KIAA0232: variants seen among roughly 807,000 people sequenced by gnomAD.
KIAA0232 encodes uncharacterized protein KIAA0232.
A neutral mutation model predicts 122.0 loss-of-function variants in KIAA0232; 27 were observed. The observed-to-expected ratio is 0.22, with a 90% CI of 0.16 to 0.31. The LOEUF (loss-of-function observed/expected upper bound fraction) is 0.31, where lower values mean the gene tolerates loss of function less well. KIAA0232 is among the 10% of genes least tolerant of loss of function. The pLI is 1.00. For missense variants in KIAA0232, 1,551 were observed against 1,634.2 expected, an observed-to-expected ratio of 0.95 and a Z score of 0.88; for synonymous variants, 613 against 587.6, an observed-to-expected ratio of 1.04 and a Z score of -0.63.
At chr4:6,811,777 T>C (rs1577365222) in intron 2 of KIAA0232, among the ~76,000 whole-genome samples, 1 of 128,964 alleles carries the variant, frequency 7.8e-6, no homozygotes, top group African/African-American at 2.8e-5. Flanking sequence ...TTTTTTAAGA[T>C]ATAAACCTTT....
intron 1 of KIAA0232, among the ~76,000 whole-genome samples, chr4:6,803,947 C>G (rs1374448608): frequency 6.6e-6 from 1 of 152,146 alleles, no homozygotes; most frequent in Non-Finnish European, 1.5e-5. Context: ...AAATTCCAAT[C>G]CAAGATGTAT....
intron 7 of KIAA0232, 90 bp from the exon 8 acceptor site, chr4:6,871,484 G>T (rs1721479710): frequency 1.3e-6 from 1 of 747,134 alleles, no homozygotes; most frequent in Non-Finnish European, 2.3e-6. Context: ...AAAGTTCTGG[G>T]TTTATAATCT....
At chr4:6,876,567 T>C in intron 8 of KIAA0232, 93 bp from the exon 9 acceptor site, 3 of 904,432 alleles carry the variant, frequency 3.3e-6, no homozygotes, top group Non-Finnish European at 5.3e-6. Flanking sequence ...AGCTTTTTAG[T>C]GAAAAATGAA....
intron 1 of KIAA0232, among the ~76,000 whole-genome samples, chr4:6,791,153 C>T (rs1203063167): frequency 6.6e-6 from 1 of 151,192 alleles, no homozygotes; most frequent in Non-Finnish European, 1.5e-5. Flanking sequence ...CTCCTGAGCT[C>T]AGGCAGTCCG....
chr4:6,858,584 C>G, intron 6 of KIAA0232, 78 bp downstream of exon 6: 7 of 903,118 alleles, frequency 7.8e-6, no homozygotes, highest in Non-Finnish European at 1.0e-5. Context: ...TTTCCGTTTT[C>G]TGTTTGTCAT....
At chr4:6,826,836 A>G (rs926317703) in intron 3 of KIAA0232, among the ~76,000 whole-genome samples, 1 of 152,228 alleles carries the variant, frequency 6.6e-6, no homozygotes, top group African/African-American at 2.4e-5. Flanking sequence ...GCTGGGTGCT[A>G]CAGGACATAT....
At position 6,880,922 on chromosome 4, in the gene KIAA0232, G is replaced by T; in HGVS notation, c.4144G>T (p.Val1382Leu). 1 of 1,597,292 alleles carries T rather than the reference G, an allele frequency of 6.3e-7. No individual in the cohort carries two copies. Among genetic ancestry groups the T allele is most frequent in the South Asian group, 1.1e-5 (1 of 87,836 alleles). Residue 1382 changes from valine to leucine, a missense_variant, in exon 10 of 10, where the codon GTG (valine) becomes TTG (leucine). Physicochemically the swap from Val to Leu is conservative, Grantham distance 32. Around this residue, in one of 5 missense-constraint regions of KIAA0232, gnomAD observed 1,108 missense variants for 1,154.8 expected, o/e 0.96. Transcript: ENST00000307659. ...AGGCTCAGAAGGCGGAGGCGAGTGGGTGGGCCCTAGTGAAGAGGAGCTCTT... is the reference window on the plus strand; with the variant it reads ...AGGCTCAGAAGGCGGAGGCGAGTGGTTGGGCCCTAGTGAAGAGGAGCTCTT... ...ETGSEGGGEWVGPSEEELFSR... is the reference protein window; with the variant it reads ...ETGSEGGGEWLGPSEEELFSR...
At chr4:6,791,685 C>T (rs947846200) in intron 1 of KIAA0232, among the ~76,000 whole-genome samples, 2 of 152,106 alleles carry the variant, frequency 1.3e-5, no homozygotes, top group African/African-American at 2.4e-5. Context: ...CCTTCCTATC[C>T]TGTATTCATC....
intron 8 of KIAA0232, among the ~76,000 whole-genome samples, chr4:6,874,127 T>C (rs1721631938): frequency 6.6e-6 from 1 of 152,236 alleles, no homozygotes; most frequent in Admixed American, 6.5e-5. Flanking sequence ...AAGCCCCAGC[T>C]TTGTGCAGTC....
At chr4:6,842,471 A>G (rs913284033) in intron 4 of KIAA0232, among the ~76,000 whole-genome samples, 1 of 151,902 alleles carries the variant, frequency 6.6e-6, no homozygotes, top group African/African-American at 2.4e-5. Context: ...TCATCCTGTT[A>G]TTACATTGTC....
In KIAA0232 at chr4:6,861,107, CTG is replaced by C; in HGVS notation, c.728_729del (p.Val243AlafsTer2). ...GAAAGAAGCAGTGAAGTACCCACCA[CTG>C]TGCATGAGAAAACCCAGAGCAAAAG... On this transcript the variant is annotated frameshift_variant, in exon 7 of 10. Coordinates refer to ENST00000307659, the MANE Select transcript of KIAA0232 (RefSeq NM_014743.3). LOFTEE classifies it high-confidence loss of function. 1.2e-6 allele frequency: 2 copies of C among 1,614,192 alleles called. No individual in the cohort carries two copies. The highest frequency in any genetic ancestry group is 1.7e-6 in the Non-Finnish European group (2 of 1,180,028).
intron 7 of KIAA0232, among the ~76,000 whole-genome samples, chr4:6,868,222 T>C (rs1721288654): frequency 1.3e-5 from 2 of 152,246 alleles, no homozygotes. Context: ...GCTAAAAACA[T>C]TTCTGGTTAG....
rs530227394 is a variant in KIAA0232 at position 6,792,699 on chromosome 4, T to G, written c.-354+9858T>G. 6.3e-4 allele frequency among the ~76,000 whole-genome samples: 94 copies of G among 149,546 alleles called. No individual in the cohort carries two copies. In the East Asian group the frequency reaches 0.016, roughly 25 times the overall value. ...GTCTTAGGTTTTTTTTTTTTTGTTT[T>G]TTTTTTTTGAGACAGAGTCTCACTC... On this transcript the variant is annotated intron_variant, in intron 1 of 9. Coordinates refer to ENST00000307659, the MANE Select transcript of KIAA0232 (RefSeq NM_014743.3).
At chr4:6,809,784 A>G (rs567409339) in intron 2 of KIAA0232, among the ~76,000 whole-genome samples, 2 of 152,310 alleles carry the variant, frequency 1.3e-5, no homozygotes, top group South Asian at 4.1e-4. Flanking sequence ...ATATATTACC[A>G]ATAACGATCT....
intron 8 of KIAA0232, among the ~76,000 whole-genome samples, chr4:6,875,324 G>A (rs555365106): frequency 1.3e-4 from 20 of 152,364 alleles, no homozygotes; most frequent in Middle Eastern, 3.4e-3. Flanking sequence ...GGATACTAGG[G>A]CTCAAAGAGG....
At chr4:6,806,995 A>G (rs1017083600) in intron 2 of KIAA0232, among the ~76,000 whole-genome samples, 2 of 151,680 alleles carry the variant, frequency 1.3e-5, no homozygotes, top group African/African-American at 4.9e-5. Context: ...ACACTTTATC[A>G]TTACAAAATT....
intron 7 of KIAA0232, chr4:6,866,183 T>C: frequency 1.0e-6 from 1 of 973,600 alleles, no homozygotes; most frequent in Non-Finnish European, 1.2e-6. Flanking sequence ...GTATTTCACC[T>C]GGTTCCAGAT....
rs1428088692 is a variant in KIAA0232 at position 6,861,584 on chromosome 4, T to C, written c.1202T>C (p.Leu401Ser). 6.2e-7 allele frequency: 1 copy of C among 1,614,002 alleles called. No individual in the cohort carries two copies. Among genetic ancestry groups the C allele is most frequent in the African/African-American group, 1.3e-5 (1 of 75,032 alleles). Residue 401 changes from leucine (L) to serine (S), a missense_variant, in exon 7 of 10, where the codon TTG becomes TCG. This residue lies in a region of KIAA0232 where 3 missense variants were observed against 17.0 expected (regional missense o/e 0.18). Coordinates refer to ENST00000307659, the MANE Select transcript of KIAA0232 (RefSeq NM_014743.3). ...GACACAGAGTATAAAGAGGAGCCCT[T>C]GTGGTACACCGAGCCAATTGCTGAA... Reference protein sequence around the residue: ...RKDTEYKEEPLWYTEPIAEYF... With the variant: ...RKDTEYKEEPSWYTEPIAEYF...
intron 3 of KIAA0232, among the ~76,000 whole-genome samples, chr4:6,836,331 G>GTT (rs199902844): frequency 7.0e-6 from 1 of 142,636 alleles, no homozygotes; most frequent in Admixed American, 6.9e-5. Context: ...TTTGTTTTTT[G>GTT]TTTTGTTTTT....
Sources: allele counts gnomAD v4.1 joint callset (sites outside exome capture counted in the v4.1 genomes callset), GRCh38; gene constraint gnomAD v4.1.1; regional missense constraint gnomAD v4.1.1; transcripts MANE v1.5; gene names NCBI Gene and HGNC (gene_info 2026-07-23, HGNC 2026-07-21).